The following ADGRL2 variants were observed in gnomAD, a reference collection of about 807,000 sequenced individuals.
The protein encoded by ADGRL2 is adhesion G protein-coupled receptor L2.
In ADGRL2, 44 loss-of-function variants were observed where a neutral mutation model predicts 157.4. The ratio of observed to expected loss-of-function variants is 0.28; its 90% CI spans 0.22 to 0.36. ADGRL2 has a LOEUF of 0.36. Ranked by LOEUF, ADGRL2 falls within the 10% of genes least tolerant of loss-of-function variation. The pLI, the probability that ADGRL2 is intolerant of heterozygous loss-of-function variation, is 1.00. For synonymous variants in ADGRL2, 585 were observed against 624.7 expected (o/e 0.94, Z 0.95); for missense variants, 1,510 against 1,768.9 (o/e 0.85, Z 2.63).
At chr1:81,548,652 C>G (rs750821980) in intron 2 of ADGRL2, among the ~76,000 whole-genome samples, 3 of 152,072 alleles carry the variant, frequency 2.0e-5, no homozygotes, top group Non-Finnish European at 4.4e-5. Context: ...TTTTGATCTA[C>G]AGGACATAAT....
intron 1 of ADGRL2, among the ~76,000 whole-genome samples, chr1:81,406,709 CCT>C (rs1011456955): frequency 6.6e-6 from 1 of 152,080 alleles, no homozygotes; most frequent in Non-Finnish European, 1.5e-5. Flanking sequence ...GAGGAGTTAT[CCT>C]CTCAGTAGTA....
At chr1:81,816,171 C>T (rs540541900) in intron 1 of ADGRL2, among the ~76,000 whole-genome samples, 2 of 151,804 alleles carry the variant, frequency 1.3e-5, no homozygotes, top group Admixed American at 1.3e-4. Flanking sequence ...ATCAAGGTTG[C>T]AGTTAATTCA....
chr1:81,642,567 C>G (rs533343340), intron 3 of ADGRL2, among the ~76,000 whole-genome samples: 1 of 152,050 alleles, frequency 6.6e-6, no homozygotes. Context: ...ACTGAAAGCA[C>G]CAGGCTCAGA....
chr1:81,494,442 A>G (rs2078692739), intron 2 of ADGRL2, among the ~76,000 whole-genome samples: 1 of 152,008 alleles, frequency 6.6e-6, no homozygotes, highest in South Asian at 2.1e-4. Flanking sequence ...CTTTCCCATC[A>G]TCTGCAATCT....
intron 2 of ADGRL2, among the ~76,000 whole-genome samples, chr1:81,485,994 GT>G (rs538250719): frequency 3.8e-4 from 58 of 151,988 alleles, no homozygotes; most frequent in African/African-American, 1.3e-3. Flanking sequence ...AACTTCAAAA[GT>G]TTTTTTTATT....
chr1:81,763,395 G>T (rs999223069), intron 2 of ADGRL2, among the ~76,000 whole-genome samples: 3 of 151,700 alleles, frequency 2.0e-5, no homozygotes, highest in African/African-American at 7.3e-5. Flanking sequence ...AACCAGCCTG[G>T]TCAACATGGT....
At chr1:81,712,999 C>T (rs2083987423) in intron 1 of ADGRL2, among the ~76,000 whole-genome samples, 1 of 152,036 alleles carries the variant, frequency 6.6e-6, no homozygotes, top group South Asian at 2.1e-4. Context: ...CTCAGGTGAT[C>T]CGCCCATCTT....
chr1:81,988,276 C>G (rs1663767098), intron 23 of ADGRL2: 1 of 152,300 alleles, frequency 6.6e-6, no homozygotes, highest in African/African-American at 2.4e-5. Context: ...CTCTTCAAAA[C>G]CAGTCAAAGA....
intron 1 of ADGRL2, among the ~76,000 whole-genome samples, chr1:81,392,640 A>G (rs1274993113): frequency 6.6e-6 from 1 of 152,166 alleles, no homozygotes; most frequent in Non-Finnish European, 1.5e-5. Flanking sequence ...CTGGAAGCAT[A>G]TTATTAAGAG....
At chr1:81,648,350 C>A (rs2082352235) in intron 3 of ADGRL2, among the ~76,000 whole-genome samples, 1 of 152,212 alleles carries the variant, frequency 6.6e-6, no homozygotes, top group Non-Finnish European at 1.5e-5. Context: ...GGGATTCAAA[C>A]TCACAACTCT....
In ADGRL2 at chr1:81,318,212, C is replaced by T. The variant is rs567802786; in HGVS notation, c.-302+11703C>T. ...ATAACAGTATCAAATTATAAAAATA[C>T]ACCTGTACAGCTGAATAAGTAAATA... On this transcript the variant is annotated intron_variant, in intron 1 of 24. Transcript: ENST00000370721. Among the ~76,000 whole-genome samples, 15 of 152,192 alleles carry T rather than the reference C, an allele frequency of 9.9e-5. 1 individual carries two copies. In the East Asian group the frequency reaches 2.9e-3, roughly 29 times the overall value.
intron 2 of ADGRL2, among the ~76,000 whole-genome samples, chr1:81,848,335 A>C (rs1172988992): frequency 6.6e-6 from 1 of 151,710 alleles, no homozygotes; most frequent in Non-Finnish European, 1.5e-5. Context: ...GGAATTAAAG[A>C]ATTTTGGACT....
intron 3 of ADGRL2, among the ~76,000 whole-genome samples, chr1:81,585,756 A>G (rs924229140): frequency 6.6e-6 from 1 of 152,110 alleles, no homozygotes; most frequent in African/African-American, 2.4e-5. Context: ...GTTCCTGGTT[A>G]ATACTTCAAG....
intron 1 of ADGRL2, among the ~76,000 whole-genome samples, chr1:81,831,091 C>A (rs960146221): frequency 1.3e-5 from 2 of 152,094 alleles, no homozygotes; most frequent in African/African-American, 4.8e-5. Context: ...GTTATACTTA[C>A]CCGAATGATG....
chr1:81,503,225 C>T (rs964764226), intron 2 of ADGRL2: 50 of 1,614,060 alleles, frequency 3.1e-5, no homozygotes, highest in Admixed American at 6.7e-5. Context: ...GCAGAGGCCT[C>T]GGCTGCAGCA....
chr1:81,390,638 AT>A (rs1168214137), intron 1 of ADGRL2, among the ~76,000 whole-genome samples: 8 of 152,302 alleles, frequency 5.3e-5, no homozygotes, highest in Non-Finnish European at 8.8e-5. Flanking sequence ...ATCCTAATAG[AT>A]TTATGTAGTT....
At chr1:81,645,435 G>A (rs907867377) in intron 3 of ADGRL2, among the ~76,000 whole-genome samples, 3 of 148,144 alleles carry the variant, frequency 2.0e-5, no homozygotes, top group East Asian at 2.0e-4. Context: ...TTAAATGCAC[G>A]AGTACATTAC....
chr1:81,566,607 A>G (rs1340135697), intron 2 of ADGRL2, among the ~76,000 whole-genome samples: 2 of 152,122 alleles, frequency 1.3e-5, no homozygotes, highest in African/African-American at 4.8e-5. Context: ...TATTTAAGAT[A>G]ATATGATATT....
chr1:81,314,081 T>C (rs1659942723), intron 1 of ADGRL2, among the ~76,000 whole-genome samples: 1 of 152,186 alleles, frequency 6.6e-6, no homozygotes, highest in South Asian at 2.1e-4. Context: ...AGGGTAAATC[T>C]GTTTATTTCA....
Sources: gnomAD v4.1 joint callset for allele counts (sites outside exome capture counted in the v4.1 genomes callset) on GRCh38, gnomAD v4.1.1 for gene constraint, MANE v1.5 for transcripts, NCBI Gene and HGNC (gene_info 2026-07-23, HGNC 2026-07-21) for gene names.